Variants in RELN observed in about 807,000 individuals in gnomAD.
RELN encodes reelin.
Under a neutral mutation model 427.6 loss-of-function variants are expected in RELN, and 108 were observed. That is an observed-to-expected ratio of 0.25 (90% CI 0.22 to 0.30). The LOEUF (loss-of-function observed/expected upper bound fraction) is 0.30, where lower values mean the gene tolerates loss of function less well. Among genes scored for constraint, RELN ranks in the 10% least tolerant of loss-of-function variants. The pLI is 1.00. For synonymous variants in RELN, 1,524 were observed against 1,513.4 expected (o/e 1.01, Z -0.16); for missense variants, 3,715 against 4,302.8 (o/e 0.86, Z 3.82).
At chr7:103,676,989 G>A (rs1286361143) in intron 11 of RELN, among the ~76,000 whole-genome samples, 1 of 151,192 alleles carries the variant, frequency 6.6e-6, no homozygotes. Context: ...GTATACATAT[G>A]TAACAAACCT....
intron 1 of RELN, among the ~76,000 whole-genome samples, chr7:103,954,010 G>A (rs1336187179): frequency 6.6e-6 from 1 of 152,088 alleles, no homozygotes; most frequent in Non-Finnish European, 1.5e-5. Context: ...AACACTTTGG[G>A]AGGCAGAGGT....
intron 15 of RELN, 57 bp from the exon 16 acceptor site, chr7:103,650,440 T>G: frequency 9.3e-7 from 1 of 1,073,572 alleles, no homozygotes; most frequent in Non-Finnish European, 1.5e-6. Flanking sequence ...CTTTAGAATC[T>G]ATTTTACATG....
At chr7:103,505,848 G>C (rs1829191669) in intron 51 of RELN, among the ~76,000 whole-genome samples, 1 of 152,146 alleles carries the variant, frequency 6.6e-6, no homozygotes, top group Non-Finnish European at 1.5e-5. Context: ...CTTGAAAAAA[G>C]GTTAGAGGGA....
chr7:103,863,543 C>T (rs1342070980), intron 2 of RELN, among the ~76,000 whole-genome samples: 1 of 152,094 alleles, frequency 6.6e-6, no homozygotes, highest in African/African-American at 2.4e-5. Flanking sequence ...GTTTTCTTAA[C>T]CACATCTTCA....
rs574122865 is a variant in RELN, at chr7:103,905,506, CAG to C, written c.337+11567_337+11568del. ...TTAGAAATATCCTCAAACTTAAAGACAGTAATACTTTCCTCCCCACCCGCCAC... is the reference window on the plus strand; with the variant it reads ...TTAGAAATATCCTCAAACTTAAAGACTAATACTTTCCTCCCCACCCGCCAC... On this transcript the variant is annotated intron_variant, in intron 2 of 64. Coordinates refer to ENST00000428762, the MANE Select transcript of RELN (RefSeq NM_005045.4). Among the ~76,000 whole-genome samples, 93 of 152,134 alleles carry C rather than the reference CAG, an allele frequency of 6.1e-4. No individual in the cohort carries two copies. In the Middle Eastern group the frequency reaches 0.024, roughly 39 times the overall value.
intron 2 of RELN, among the ~76,000 whole-genome samples, chr7:103,850,464 G>C (rs533968881): frequency 6.6e-6 from 1 of 152,212 alleles, no homozygotes; most frequent in African/African-American, 2.4e-5. Flanking sequence ...TGGGTTGCCA[G>C]GCGGCCCATT....
intron 11 of RELN, among the ~76,000 whole-genome samples, chr7:103,673,632 A>G (rs1284279281): frequency 1.3e-5 from 2 of 152,084 alleles, no homozygotes; most frequent in Non-Finnish European, 2.9e-5. Flanking sequence ...AGGGTGGTAA[A>G]CTTTCTGAAT....
intron 1 of RELN, among the ~76,000 whole-genome samples, chr7:103,931,810 A>T (rs1254905092): frequency 6.6e-6 from 1 of 151,850 alleles, no homozygotes; most frequent in Non-Finnish European, 1.5e-5. Flanking sequence ...GCAGCACTAC[A>T]CTCCTCCTTT....
At chr7:103,585,019 A>G (rs1831237269) in intron 28 of RELN, among the ~76,000 whole-genome samples, 1 of 152,140 alleles carries the variant, frequency 6.6e-6, no homozygotes, top group South Asian at 2.1e-4. Context: ...AAACAAATGA[A>G]AATAGGGACA....
chr7:103,635,529 G>T lies in RELN; in HGVS notation c.2361C>A (p.Ala787=). 1 of 1,613,718 alleles carries T rather than the reference G, an allele frequency of 6.2e-7. No individual in the cohort carries two copies. Residue 787 remains alanine (A), a synonymous_variant, in exon 19 of 65, where the codon GCC becomes GCA. Coordinates refer to ENST00000428762, the MANE Select transcript of RELN (RefSeq NM_005045.4). ...AAACTCCTTCACCAGGCTGATCAGG[G>T]GCTCTGCACGTGCTCAGAACAGATT... ...GSKSVLSTCR[A]PDQPGEGVLL...
At chr7:103,551,340 C>A (rs1220135081) in intron 40 of RELN, 44 bp from the exon 41 acceptor site, 13 of 1,390,836 alleles carry the variant, frequency 9.3e-6, no homozygotes, top group Non-Finnish European at 1.3e-5. Flanking sequence ...CTCAGAGCAA[C>A]AAGCCTTGAA....
At chr7:103,589,484 C>A in intron 28 of RELN, 112 bp downstream of exon 28, 1 of 769,220 alleles carries the variant, frequency 1.3e-6, no homozygotes, top group South Asian at 1.5e-5. Flanking sequence ...TTATTTTTCC[C>A]AGAATTGTAT....
At position 103,500,926 on chromosome 7, in the gene RELN, T is replaced by A. The variant is rs759954678; in HGVS notation, c.8490-4A>T. 3 of 1,613,970 alleles carry A rather than the reference T, an allele frequency of 1.9e-6. No homozygotes were observed. The South Asian group carries it at 3.3e-5, about 18-fold the overall frequency. On this transcript the variant is annotated splice_region_variant and splice_polypyrimidine_tract_variant and intron_variant, in intron 52 of 64. Coordinates refer to ENST00000428762, the MANE Select transcript of RELN (RefSeq NM_005045.4). ...ATAGAACCTAAACCTTACCGGACTA[T>A]TGACAATGCAAAAGCAAAGGAGTGA...
Position 103,636,481 on chromosome 7 carries a change from T to C in RELN, c.2070-13A>G, listed in dbSNP as rs754490911. ...TCCAGGGTCACACCTGAAAGAAATA[T>C]GGTGAAATTAAATCTTAAACTGTTG... On this transcript the variant is annotated splice_polypyrimidine_tract_variant and intron_variant, in intron 17 of 64. Transcript: ENST00000428762. 1.5e-5 allele frequency: 23 copies of C among 1,542,762 alleles called. No homozygotes were observed. The East Asian group carries it at 4.5e-4, about 30-fold the overall frequency.
At chr7:103,555,841 A>C (rs892813289) in intron 38 of RELN, among the ~76,000 whole-genome samples, 3 of 152,204 alleles carry the variant, frequency 2.0e-5, no homozygotes, top group African/African-American at 7.2e-5. Context: ...AATACATTAA[A>C]AATTTTGTTT....
At chr7:103,944,519 C>A (rs573147611) in intron 1 of RELN, among the ~76,000 whole-genome samples, 1 of 152,252 alleles carries the variant, frequency 6.6e-6, no homozygotes, top group South Asian at 2.1e-4. Context: ...CATTAAGGAG[C>A]CCTCTGACTT....
At chr7:103,979,582 G>A (rs2116839088) in intron 1 of RELN, among the ~76,000 whole-genome samples, 1 of 152,332 alleles carries the variant, frequency 6.6e-6, no homozygotes, top group East Asian at 1.9e-4. Context: ...TTATCCCATT[G>A]GGTTTATATC....
At chr7:103,855,443 G>A (rs1269347274) in intron 2 of RELN, among the ~76,000 whole-genome samples, 1 of 152,238 alleles carries the variant, frequency 6.6e-6, no homozygotes, top group Non-Finnish European at 1.5e-5. Flanking sequence ...ATCTAAAATG[G>A]ATGGGTGCAG....
Position 103,651,797 on chromosome 7 carries a change from A to C in RELN, c.1764-8T>G, listed in dbSNP as rs1448563740. The C allele has an allele frequency of 1.9e-6, 3 of 1,611,052 alleles. No homozygotes were observed. In the Admixed American group the frequency reaches 5.0e-5, roughly 27 times the overall value. On this transcript the variant is annotated splice_region_variant and splice_polypyrimidine_tract_variant and intron_variant, in intron 14 of 64. Transcript: ENST00000428762. The stretch of plus-strand genomic sequence containing the variant: ...GAAAATTCCAAGCTGACACTAATAA[A>C]ACCAGAACAAGCACACACAAAAGGT...
Sources: allele counts gnomAD v4.1 joint callset (sites outside exome capture counted in the v4.1 genomes callset), GRCh38; gene constraint gnomAD v4.1.1; transcripts MANE v1.5; gene names NCBI Gene and HGNC (gene_info 2026-07-23, HGNC 2026-07-21).